Variants in LRRIQ1 observed in about 807,000 individuals in gnomAD.
LRRIQ1 encodes leucine-rich repeat- and IQ domain-containing protein 1.
In LRRIQ1, 210 loss-of-function variants were observed where a neutral mutation model predicts 211.9. The ratio of observed to expected loss-of-function variants is 0.99; its 90% CI spans 0.89 to 1.11. LRRIQ1 has a LOEUF of 1.11. LRRIQ1 is among the 50% of genes most tolerant of loss of function. The pLI is 0.00. For missense variants in LRRIQ1, 2,136 were observed against 1,939.5 expected (o/e 1.10, Z -1.90); for synonymous variants, 699 against 650.1 (o/e 1.08, Z -1.14).
Position 85,236,372 on chromosome 12 carries a change from C to T in LRRIQ1, c.5016+3616C>T, listed in dbSNP as rs533445323. Among the ~76,000 whole-genome samples the T allele has an allele frequency of 2.0e-5, 3 of 151,962 alleles. No homozygotes were observed. In the South Asian group the frequency reaches 6.2e-4, roughly 31 times the overall value. On this transcript the variant is annotated intron_variant, in intron 26 of 26. Transcript: ENST00000393217. ...TTTAACAGAGCTTAATATCTAAATA[C>T]AGAAAGATCTCTTTCAGGTAACCCA...
chr12:85,124,465 T>C lies in LRRIQ1; in HGVS notation c.3953T>C (p.Val1318Ala). The change falls in exon 17 of 27, where the codon GTA becomes GCA. Residue 1318 changes from valine (V) to alanine (A), a missense_variant. Coordinates refer to ENST00000393217, the MANE Select transcript of LRRIQ1 (RefSeq NM_001079910.2). ...PTIRIPFKEV[V>A]MTNSLLRNHQ... ...ATAAGAATCCCATTTAAGGAAGTAG[T>C]AATGACAAATTCTTTGCTGAGGAAT... 2 of 1,613,726 alleles carry C rather than the reference T, an allele frequency of 1.2e-6. No individual in the cohort carries two copies. Among genetic ancestry groups the C allele is most frequent in the Non-Finnish European group, 1.7e-6 (2 of 1,180,016 alleles).
chr12:85,171,467 A>G (rs1208863694), intron 24 of LRRIQ1, among the ~76,000 whole-genome samples: 1 of 152,192 alleles, frequency 6.6e-6, no homozygotes, highest in Non-Finnish European at 1.5e-5. Flanking sequence ...TCATCATAAA[A>G]TTGCTAAAAT....
intron 9 of LRRIQ1, among the ~76,000 whole-genome samples, chr12:85,066,278 G>A (rs1034519526): frequency 6.6e-6 from 1 of 151,800 alleles, no homozygotes; most frequent in Admixed American, 6.6e-5. Flanking sequence ...TCAGATCCAG[G>A]TGGAGATGAG....
At chr12:85,236,830 C>CATATATATATATATCT (rs1555228690) in intron 26 of LRRIQ1, among the ~76,000 whole-genome samples, 3 of 108,810 alleles carry the variant, frequency 2.8e-5, no homozygotes, top group African/African-American at 1.3e-4. Flanking sequence ...TGTATGTGTG[C>CATATATATATATATCT]ATATATATAT....
intron 24 of LRRIQ1, among the ~76,000 whole-genome samples, chr12:85,229,276 A>T (rs1894817332): frequency 6.6e-6 from 1 of 152,200 alleles, no homozygotes; most frequent in African/African-American, 2.4e-5. Flanking sequence ...AACCCTATAA[A>T]TGGTGATTGA....
At chr12:85,204,599 G>A (rs997312476) in intron 24 of LRRIQ1, among the ~76,000 whole-genome samples, 1 of 152,190 alleles carries the variant, frequency 6.6e-6, no homozygotes. Context: ...GAGAAATGGA[G>A]TCAAAGGAGA....
chr12:85,049,034 T>C (rs1879986197), intron 6 of LRRIQ1, among the ~76,000 whole-genome samples: 1 of 152,192 alleles, frequency 6.6e-6, no homozygotes. Context: ...TAATTTGCAA[T>C]TTATCATATA....
At chr12:85,189,888 A>G (rs1399021501) in intron 24 of LRRIQ1, among the ~76,000 whole-genome samples, 1 of 144,312 alleles carries the variant, frequency 6.9e-6, no homozygotes, top group Non-Finnish European at 1.5e-5. Context: ...TATATATTAT[A>G]TATCATATAT....
intron 11 of LRRIQ1, among the ~76,000 whole-genome samples, chr12:85,087,386 T>C (rs545017951): frequency 5.4e-4 from 82 of 152,334 alleles, no homozygotes; most frequent in African/African-American, 1.9e-3. Flanking sequence ...CTATTGTGAA[T>C]AGTGCCGCAA....
At chr12:85,086,588 A>G (rs1410356298) in intron 11 of LRRIQ1, among the ~76,000 whole-genome samples, 3 of 149,570 alleles carry the variant, frequency 2.0e-5, no homozygotes. Context: ...TTCTTTATAA[A>G]TTACCCAGTC....
At chr12:85,216,290 T>G (rs1592982389) in intron 24 of LRRIQ1, among the ~76,000 whole-genome samples, 1 of 152,108 alleles carries the variant, frequency 6.6e-6, no homozygotes, top group African/African-American at 2.4e-5. Context: ...GTTCCTGTGT[T>G]TGTTGAGAAT....
At chr12:85,161,169 T>C (rs892217648) in intron 24 of LRRIQ1, among the ~76,000 whole-genome samples, 2 of 152,106 alleles carry the variant, frequency 1.3e-5, no homozygotes, top group Non-Finnish European at 2.9e-5. Flanking sequence ...CCCAACTCAC[T>C]GTTGGAGTGA....
chr12:85,053,060 G>A (rs771759548), intron 7 of LRRIQ1, among the ~76,000 whole-genome samples: 9 of 151,902 alleles, frequency 5.9e-5, no homozygotes, highest in Admixed American at 1.3e-4. Flanking sequence ...AAATTTAGTG[G>A]GTGAATTTGA....
chr12:85,072,953 C>T lies in LRRIQ1; in HGVS notation c.2742C>T (p.Phe914=). Reference sequence around the variant, plus strand: ...AAAAACTTGTTGACAATGCAGGGTTCTGCCATCACTTGGGCACCTCCACTT... The same window carrying T: ...AAAAACTTGTTGACAATGCAGGGTTTTGCCATCACTTGGGCACCTCCACTT... ...LEEKLVDNAG[F]CHHLGTSTSY... is the part of the protein sequence containing the mutation. Residue 914 remains phenylalanine, a synonymous_variant, in exon 11 of 27, where the codon TTC becomes TTT. Transcript: ENST00000393217. 1 of 1,612,366 alleles carries T rather than the reference C, an allele frequency of 6.2e-7. No individual in the cohort carries two copies. The highest frequency in any genetic ancestry group is 8.5e-7 in the Non-Finnish European group (1 of 1,179,084).
rs1256642012 is a variant in LRRIQ1 at position 85,244,892 on chromosome 12, A to C, written c.5120A>C (p.His1707Pro). Residue 1707 changes from histidine (H) to proline (P), a missense_variant, in exon 27 of 27, where the codon CAC becomes CCC. Coordinates refer to ENST00000393217, the MANE Select transcript of LRRIQ1 (RefSeq NM_001079910.2). ...GAAAAAAAAAATCAGGCACACAGAC[A>C]CTCAGCAGGATCTTCAAGTAAGTTG... The part of the protein sequence containing the change: ...NREKKNQAHR[H>P]SAGSSSKLWF... The C allele has an allele frequency of 6.2e-7, 1 of 1,611,488 alleles. No individual in the cohort carries two copies. Among genetic ancestry groups the C allele is most frequent in the African/African-American group, 1.3e-5 (1 of 74,770 alleles).
chr12:85,117,003 C>G (rs890778058), intron 15 of LRRIQ1, among the ~76,000 whole-genome samples: 4 of 151,926 alleles, frequency 2.6e-5, no homozygotes, highest in Admixed American at 2.6e-4. Flanking sequence ...GTGAGTAGTG[C>G]TGCAATGAAC....
rs188507643 is a variant in LRRIQ1, at chr12:85,052,278, A to C, written c.753+27A>C. 8.9e-5 allele frequency: 105 copies of C among 1,175,106 alleles called. 2 individuals carry two copies. In the East Asian group the frequency reaches 2.6e-3, roughly 29 times the overall value. The allele number at this position is 1,175,106 out of a possible 1,614,324, so 72.8% of individuals were successfully genotyped here. A position where few individuals can be genotyped will look rare whatever the true frequency, so the allele number is the denominator to read the frequency against. ...TATCTATTTGTTGTTTTTATTTAGC[A>C]CATTAAGCTTTCTTTATTTGAAATA... On this transcript the variant is annotated intron_variant, in intron 7 of 26. Coordinates refer to ENST00000393217, the MANE Select transcript of LRRIQ1 (RefSeq NM_001079910.2).
At chr12:85,252,166 T>G (rs1895964201) in intron 1 of LRRIQ1, among the ~76,000 whole-genome samples, 1 of 151,898 alleles carries the variant, frequency 6.6e-6, no homozygotes, top group South Asian at 2.1e-4. Flanking sequence ...AAACTCATAT[T>G]AAAGCCCACA....
At position 85,055,832 on chromosome 12, in the gene LRRIQ1, G is replaced by C; in HGVS notation, c.1039G>C (p.Glu347Gln). 6.3e-7 allele frequency: 1 copy of C among 1,578,006 alleles called. No individual in the cohort carries two copies. The highest frequency in any genetic ancestry group is 1.8e-4 in the Middle Eastern group (1 of 5,518). The stretch of plus-strand genomic sequence containing the variant: ...ATTAGAGGAGGAACAAAGGATAAAA[G>C]AAGAGAGAAAAAAGCAAAAGGAAGA... The part of the protein sequence containing the change: ...KRLEEEQRIK[E>Q]ERKKQKEEER... Residue 347 changes from glutamate (E) to glutamine (Q), a missense_variant, in exon 8 of 27, where the codon GAA (glutamate) becomes CAA (glutamine). Physicochemically the swap from Glu to Gln is conservative, Grantham distance 29 (BLOSUM62 2). Coordinates refer to ENST00000393217, the MANE Select transcript of LRRIQ1 (RefSeq NM_001079910.2).
Sources: allele counts gnomAD v4.1 joint callset (sites outside exome capture counted in the v4.1 genomes callset), GRCh38; gene constraint gnomAD v4.1.1; transcripts MANE v1.5; gene names NCBI Gene and HGNC (gene_info 2026-07-23, HGNC 2026-07-21).